The following WDR25 variants were observed in gnomAD, a reference collection of about 807,000 sequenced individuals.
WDR25 encodes WD repeat-containing protein 25.
A neutral mutation model predicts 47.7 loss-of-function variants in WDR25; 35 were observed. The observed-to-expected ratio is 0.73, with a 90% CI of 0.56 to 0.97. WDR25 has a LOEUF of 0.97. Among genes scored for constraint, WDR25 ranks in the 50% least tolerant of loss-of-function variants. WDR25 has a pLI of 0.00. For synonymous variants in WDR25, 248 were observed against 278.9 expected (o/e 0.89, Z 1.10); for missense variants, 634 against 704.7 (o/e 0.90, Z 1.14).
chr14:100,514,716 A>G (rs1402280846), intron 4 of WDR25, among the ~76,000 whole-genome samples: 5 of 152,006 alleles, frequency 3.3e-5, no homozygotes, highest in African/African-American at 1.2e-4. Context: ...CATTGTTATT[A>G]TTTTTGCTGG....
chr14:100,430,158 G>GGAGA lies in WDR25; in HGVS notation c.823-37863_823-37862insGAGA, dbSNP rs1898286912. On this transcript the variant is annotated intron_variant, in intron 2 of 6. Transcript: ENST00000402312. This position sits in a 1 kb window ranked among gnomAD's most constrained non-coding sequence, Gnocchi z 4.7. ...TGCAGACCAAGGGGGCCTGGTGTGT[G>GGAGA]TGTGTGTGTGTGTGTGTGTGTGTGT... Among the ~76,000 whole-genome samples, 1 of 151,260 alleles carries GGAGA rather than the reference G, an allele frequency of 6.6e-6. No individual in the cohort carries two copies. The highest frequency in any genetic ancestry group is 1.5e-5 in the Non-Finnish European group (1 of 67,746).
chr14:100,529,948 C>T lies in WDR25; in HGVS notation c.1542C>T (p.His514=), dbSNP rs1193274967. The T allele has an allele frequency of 6.2e-7, 1 of 1,613,568 alleles. No individual in the cohort carries two copies. Among genetic ancestry groups the T allele is most frequent in the African/African-American group, 1.3e-5 (1 of 75,066 alleles). Residue 514 remains histidine (H), a synonymous_variant, in exon 7 of 7, where the codon CAC becomes CAT. Transcript: ENST00000402312. This position sits in a 1 kb window ranked among gnomAD's most constrained non-coding sequence, Gnocchi z 5.1. ...GCCGAGCATGCACACTGCAGGGGCACACACAGGCCTGTGTCGGCACCACCT... is the reference window on the plus strand; with the variant it reads ...GCCGAGCATGCACACTGCAGGGGCATACACAGGCCTGTGTCGGCACCACCT... The part of the protein sequence containing the change: ...TASRACTLQG[H]TQACVGTTYH...
chr14:100,493,597 C>T (rs985033208), intron 4 of WDR25, among the ~76,000 whole-genome samples: 23 of 152,076 alleles, frequency 1.5e-4, no homozygotes, highest in African/African-American at 5.6e-4. Context: ...ATCAGAGTGG[C>T]CCATCTGTTA....
At chr14:100,398,283 G>C (rs527359699) in intron 2 of WDR25, among the ~76,000 whole-genome samples, 1 of 152,284 alleles carries the variant, frequency 6.6e-6, no homozygotes, top group East Asian at 1.9e-4. Context: ...CAGAGGGAAG[G>C]GACACTGCTA....
chr14:100,385,004 T>C (rs1312888808), intron 2 of WDR25, among the ~76,000 whole-genome samples: 2 of 152,224 alleles, frequency 1.3e-5, no homozygotes, highest in African/African-American at 2.4e-5. Context: ...ACGATATTAG[T>C]TGTGAATCAC....
intron 2 of WDR25, among the ~76,000 whole-genome samples, chr14:100,387,740 A>G (rs945704965): frequency 6.6e-6 from 1 of 152,258 alleles, no homozygotes; most frequent in Non-Finnish European, 1.5e-5. Flanking sequence ...GCCTGAGCAG[A>G]AAGAGCTACC....
intron 3 of WDR25, among the ~76,000 whole-genome samples, chr14:100,477,412 G>A (rs1401953428): frequency 6.6e-6 from 1 of 152,086 alleles, no homozygotes; most frequent in Non-Finnish European, 1.5e-5. Context: ...CAGTGCTAGT[G>A]GATTAAATAT....
At position 100,433,623 on chromosome 14, in the gene WDR25, G is replaced by T. The variant is rs568559658; in HGVS notation, c.823-34398G>T. On this transcript the variant is annotated intron_variant, in intron 2 of 6. Coordinates refer to ENST00000402312, the MANE Select transcript of WDR25 (RefSeq NM_001161476.3). Reference sequence around the variant, plus strand: ...CAGTCCCTATGATCACGCTTGTCACGTGGGGATTTCTCATCCTAACTAGAA... The same window carrying T: ...CAGTCCCTATGATCACGCTTGTCACTTGGGGATTTCTCATCCTAACTAGAA... 2.1e-4 allele frequency among the ~76,000 whole-genome samples: 32 copies of T among 152,232 alleles called. No individual in the cohort carries two copies. In the South Asian group the frequency reaches 6.2e-3, roughly 30 times the overall value.
chr14:100,400,338 G>A lies in WDR25; in HGVS notation c.822+18592G>A, dbSNP rs952773601. 2.6e-5 allele frequency among the ~76,000 whole-genome samples: 4 copies of A among 152,194 alleles called. No homozygotes were observed. In the South Asian group the frequency reaches 6.2e-4, roughly 24 times the overall value. On this transcript the variant is annotated intron_variant, in intron 2 of 6. Transcript: ENST00000402312. ...GTGGTCCCCTCGGAGGGCTGTTGGC[G>A]CCTGGTCCTCAGTGGAGCTGGTTTA...
Position 100,500,746 on chromosome 14 carries a change from T to C in WDR25, c.1101+16622T>C, listed in dbSNP as rs1595151221. Among the ~76,000 whole-genome samples, 3 of 152,026 alleles carry C rather than the reference T, an allele frequency of 2.0e-5. No homozygotes were observed. Among genetic ancestry groups the C allele is most frequent in the Non-Finnish European group, 4.4e-5 (3 of 67,970 alleles). ...GCGTGGAGGAGGCAGCTGCAGGTGG[T>C]ACTGCGAGGCAGGGGCCTGGGCTTT... On this transcript the variant is annotated intron_variant, in intron 4 of 6. Coordinates refer to ENST00000402312, the MANE Select transcript of WDR25 (RefSeq NM_001161476.3). The surrounding 1 kb of genome is among the most constrained non-coding windows in gnomAD (Gnocchi z 4.7).
chr14:100,493,404 G>C (rs1900628271), intron 4 of WDR25, among the ~76,000 whole-genome samples: 1 of 152,066 alleles, frequency 6.6e-6, no homozygotes, highest in Non-Finnish European at 1.5e-5. Context: ...TTAACATAAT[G>C]TTTTCAAGAT....
chr14:100,526,937 CACCACACCATCTCT>C, intron 5 of WDR25, among the ~76,000 whole-genome samples: 1 of 151,568 alleles, frequency 6.6e-6, no homozygotes, highest in Non-Finnish European at 1.5e-5. Context: ...CTGTCATCAC[CACCACACCATCTCT>C]ATCACCACCA....
At chr14:100,397,779 G>A (rs917803517) in intron 2 of WDR25, among the ~76,000 whole-genome samples, 6 of 152,248 alleles carry the variant, frequency 3.9e-5, no homozygotes, top group African/African-American at 1.2e-4. Flanking sequence ...CAAACTGCAA[G>A]GTAGCTGGAC....
rs1183958246 is a variant in WDR25, at chr14:100,499,855, T to A, written c.1101+15731T>A. 1.3e-5 allele frequency among the ~76,000 whole-genome samples: 2 copies of A among 152,086 alleles called. No individual in the cohort carries two copies. Among genetic ancestry groups the A allele is most frequent in the African/African-American group, 4.8e-5 (2 of 41,410 alleles). ...TCAGCCCAGCCAAGCACCTCAGAAC[T>A]CAAAGGGGTGGCCAGGATTCACTGC... On this transcript the variant is annotated intron_variant, in intron 4 of 6. Coordinates refer to ENST00000402312, the MANE Select transcript of WDR25 (RefSeq NM_001161476.3). The surrounding 1 kb of genome is among the most constrained non-coding windows in gnomAD (Gnocchi z 4.4).
rs945695993 is a variant in WDR25 at position 100,428,446 on chromosome 14, G to A, written c.823-39575G>A. Among the ~76,000 whole-genome samples the A allele has an allele frequency of 2.0e-5, 3 of 152,216 alleles. No individual in the cohort carries two copies. Among genetic ancestry groups the A allele is most frequent in the Non-Finnish European group, 4.4e-5 (3 of 68,044 alleles). ...CAGCCTGGTGTGGGCAGCCATTTTA[G>A]CCTTTCTGGGCCTCAGCGTCCTCCT... On this transcript the variant is annotated intron_variant, in intron 2 of 6. Coordinates refer to ENST00000402312, the MANE Select transcript of WDR25 (RefSeq NM_001161476.3). The surrounding 1 kb of genome is among the most constrained non-coding windows in gnomAD (Gnocchi z 4.3).
At chr14:100,477,007 A>G (rs1242158214) in intron 3 of WDR25, among the ~76,000 whole-genome samples, 1 of 152,204 alleles carries the variant, frequency 6.6e-6, no homozygotes, top group African/African-American at 2.4e-5. Flanking sequence ...CTGCATGATG[A>G]TAGGATTCCT....
chr14:100,437,460 A>G (rs571793478), intron 2 of WDR25, among the ~76,000 whole-genome samples: 44 of 152,290 alleles, frequency 2.9e-4, no homozygotes, highest in Non-Finnish European at 5.6e-4. Flanking sequence ...AGCTGGGCTC[A>G]TACCTTAGCT....
intron 1 of WDR25, among the ~76,000 whole-genome samples, chr14:100,379,491 A>C (rs1408467963): frequency 1.3e-5 from 2 of 149,934 alleles, no homozygotes; most frequent in Admixed American, 6.7e-5. Flanking sequence ...GGGTTCAAGC[A>C]ATTCTTCTGT....
chr14:100,501,724 C>G (rs894201052), intron 4 of WDR25, among the ~76,000 whole-genome samples: 1 of 152,174 alleles, frequency 6.6e-6, no homozygotes, highest in South Asian at 2.1e-4. Flanking sequence ...CTGTGATTCC[C>G]ACATGGCAAC....
Sources: gnomAD v4.1 joint callset for allele counts (sites outside exome capture counted in the v4.1 genomes callset) on GRCh38, gnomAD v4.1.1 for gene constraint, Gnocchi (gnomAD v3.1) non-coding constraint, MANE v1.5 for transcripts, NCBI Gene and HGNC (gene_info 2026-07-23, HGNC 2026-07-21) for gene names.